LNX1: variants seen among roughly 807,000 people sequenced by gnomAD.
The protein encoded by LNX1 is ligand of numb-protein X 1.
In LNX1, 54 loss-of-function variants were observed where a neutral mutation model predicts 68.4. The ratio of observed to expected loss-of-function variants is 0.79; its 90% CI spans 0.63 to 0.99. The LOEUF (loss-of-function observed/expected upper bound fraction) is 0.99. Ranked by LOEUF, LNX1 falls within the 50% of genes least tolerant of loss-of-function variation. LNX1 has a pLI of 0.00. For synonymous variants in LNX1, 336 were observed against 350.0 expected, an observed-to-expected ratio of 0.96 and a Z score of 0.45; for missense variants, 906 against 926.4, an observed-to-expected ratio of 0.98 and a Z score of 0.29.
chr4:53,549,139 C>T (rs1409212586), intron 2 of LNX1, among the ~76,000 whole-genome samples: 2 of 152,186 alleles, frequency 1.3e-5, no homozygotes, highest in African/African-American at 4.8e-5. Flanking sequence ...ATGTAACAAA[C>T]CTTGACATGT....
chr4:53,551,493 T>A (rs1729512758), intron 2 of LNX1, among the ~76,000 whole-genome samples: 1 of 152,058 alleles, frequency 6.6e-6, no homozygotes, highest in Non-Finnish European at 1.5e-5. Flanking sequence ...GTTTAACTGG[T>A]ATATGAATCC....
Position 53,606,705 on chromosome 4 carries a change from C to T in LNX1, c.-215+9812G>A, listed in dbSNP as rs367685755. On this transcript the variant is annotated intron_variant, in intron 2 of 3. Coordinates refer to the LNX1 transcript ENST00000504299. Reference sequence around the variant, plus strand: ...TGATGAACATCAATGCAAAAATCCTCAATAAAATACTGGCAAACTGAATCT... The same window carrying T: ...TGATGAACATCAATGCAAAAATCCTTAATAAAATACTGGCAAACTGAATCT... 3.9e-5 allele frequency among the ~76,000 whole-genome samples: 6 copies of T among 152,242 alleles called. No homozygotes were observed. The South Asian group carries it at 1.0e-3, about 26-fold the overall frequency.
At chr4:53,617,427 A>T (rs2109855549) in exon 1 of LNX1, 1 of 152,336 alleles carries the variant, frequency 6.6e-6, no homozygotes, top group South Asian at 2.1e-4. Context: ...ATTTAAGATG[A>T]TCAAAACTGA....
intron 2 of LNX1, among the ~76,000 whole-genome samples, chr4:53,525,512 C>T (rs779266905): frequency 9.2e-5 from 14 of 152,174 alleles, no homozygotes; most frequent in Non-Finnish European, 1.5e-4. Flanking sequence ...TGCTTGGTTT[C>T]CTGCCTGGAA....
chr4:53,460,837 GATAA>G lies in LNX1; in HGVS notation c.*66_*69del. On this transcript the variant is annotated 3_prime_UTR_variant, in exon 11 of 11. Coordinates refer to ENST00000263925, the MANE Select transcript of LNX1 (RefSeq NM_001126328.3). Reference sequence around the variant, plus strand: ...TTTCTTTAAATATAAAAACTGACAAGATAAATATAGTGTTTCAACTTCTTAGCCT... The same window carrying G: ...TTTCTTTAAATATAAAAACTGACAAGATATAGTGTTTCAACTTCTTAGCCT... 2 of 1,353,734 alleles carry G rather than the reference GATAA, an allele frequency of 1.5e-6. No homozygotes were observed. The highest frequency in any genetic ancestry group is 2.0e-6 in the Non-Finnish European group (2 of 982,144). 83.9% of individuals were successfully genotyped at this position (1,353,734 alleles called of 1,614,324 possible).
chr4:53,463,395 T>C lies in LNX1; in HGVS notation c.1893-1802A>G, dbSNP rs564890164. ...TAAACGCCTTCTTTTAGTGGTGTTT[T>C]GAGTATTTAACTTTATTGCCGCAGC... On this transcript the variant is annotated intron_variant, in intron 9 of 10. Coordinates refer to ENST00000263925, the MANE Select transcript of LNX1 (RefSeq NM_001126328.3). Among the ~76,000 whole-genome samples the C allele has an allele frequency of 2.5e-4, 38 of 150,784 alleles. 1 individual carries two copies. The highest frequency in any genetic ancestry group is 7.0e-3 in the Middle Eastern group (2 of 284).
intron 9 of LNX1, among the ~76,000 whole-genome samples, chr4:53,463,938 T>TAAG (rs929235516): frequency 2.0e-5 from 3 of 152,116 alleles, no homozygotes; most frequent in African/African-American, 7.2e-5. Flanking sequence ...GCCTCTTTCC[T>TAAG]AAGAAAAACA....
chr4:53,523,789 G>A (rs1727416405), intron 2 of LNX1, among the ~76,000 whole-genome samples: 1 of 152,172 alleles, frequency 6.6e-6, no homozygotes, highest in South Asian at 2.1e-4. Flanking sequence ...GAAACAATTA[G>A]TGGCCCTCTT....
intron 1 of LNX1, chr4:53,579,293 G>A (rs2109793299): frequency 2.0e-6 from 2 of 983,506 alleles, no homozygotes; most frequent in Non-Finnish European, 2.4e-6. Flanking sequence ...CACTTTTTCA[G>A]TATAACCCTG....
chr4:53,619,168 AT>A (rs1312035103), upstream of LNX1, among the ~76,000 whole-genome samples: 2 of 152,152 alleles, frequency 1.3e-5, no homozygotes, highest in Non-Finnish European at 2.9e-5. Context: ...GATGGCCTTA[AT>A]TTTTTTTACA....
chr4:53,632,384 T>C (rs920577384), intron 1 of LNX1, among the ~76,000 whole-genome samples: 5 of 152,222 alleles, frequency 3.3e-5, no homozygotes, highest in African/African-American at 1.2e-4. Flanking sequence ...TGATGGCTTA[T>C]GGCTGCCTCC....
intron 2 of LNX1, among the ~76,000 whole-genome samples, chr4:53,534,913 T>C (rs1368652768): frequency 6.6e-6 from 1 of 152,184 alleles, no homozygotes; most frequent in Non-Finnish European, 1.5e-5. Context: ...TAAAAATCGT[T>C]GAGTGAGGAC....
intron 2 of LNX1, among the ~76,000 whole-genome samples, chr4:53,550,083 A>G (rs1009004369): frequency 6.6e-6 from 1 of 152,256 alleles, no homozygotes; most frequent in African/African-American, 2.4e-5. Context: ...GGGAAAAAAT[A>G]AAATCATGAA....
intron 9 of LNX1, among the ~76,000 whole-genome samples, chr4:53,475,033 G>A (rs1296220321): frequency 6.6e-6 from 1 of 150,946 alleles, no homozygotes; most frequent in African/African-American, 2.4e-5. Flanking sequence ...CTCCCAAACT[G>A]CTGGGATTAC....
chr4:53,588,865 C>A (rs543082195), intron 1 of LNX1, among the ~76,000 whole-genome samples: 1 of 152,232 alleles, frequency 6.6e-6, no homozygotes, highest in South Asian at 2.1e-4. Context: ...GACCAGGGCC[C>A]TGGGCACACA....
intron 1 of LNX1, among the ~76,000 whole-genome samples, chr4:53,651,108 C>T (rs1735079878): frequency 6.6e-6 from 1 of 152,174 alleles, no homozygotes; most frequent in Non-Finnish European, 1.5e-5. Flanking sequence ...GAATCAAGAA[C>T]AGACAGTCTA....
chr4:53,590,129 A>G (rs1162300394), intron 1 of LNX1, among the ~76,000 whole-genome samples: 1 of 152,214 alleles, frequency 6.6e-6, no homozygotes. Context: ...AGGTCAGTTA[A>G]GGAAGAACAA....
chr4:53,466,851 C>A (rs1476333540), intron 9 of LNX1, among the ~76,000 whole-genome samples: 2 of 152,212 alleles, frequency 1.3e-5, no homozygotes, highest in Non-Finnish European at 1.5e-5. Flanking sequence ...CTGGGTGGAG[C>A]TCCACTGTGG....
intron 1 of LNX1, chr4:53,576,171 T>C: frequency 1.9e-6 from 3 of 1,575,730 alleles, no homozygotes; most frequent in Non-Finnish European, 2.6e-6. Flanking sequence ...CCCATGTTGC[T>C]GACTTTCAGT....
Sources: gnomAD v4.1 joint callset for allele counts (sites outside exome capture counted in the v4.1 genomes callset) on GRCh38, gnomAD v4.1.1 for gene constraint, MANE v1.5 for transcripts, NCBI Gene and HGNC (gene_info 2026-07-23, HGNC 2026-07-21) for gene names.